MTMR8: variants seen among roughly 807,000 people sequenced by gnomAD.
MTMR8 encodes phosphatidylinositol-3,5-bisphosphate 3-phosphatase MTMR8.
MTMR8 carries 65 observed loss-of-function variants against 39.3 expected under a neutral mutation model. That is an observed-to-expected ratio of 1.65 (90% CI 1.35 to 2.03). MTMR8 has a LOEUF of 2.03. Among genes scored for constraint, MTMR8 ranks in the 30% most tolerant of loss-of-function variants. The pLI is 0.00. For missense variants in MTMR8, 777 were observed against 538.9 expected (o/e 1.44, Z -4.37); for synonymous variants, 245 against 185.2 (o/e 1.32, Z -2.62).
At chrX:64,338,996 T>C (rs1923147920) in intron 8 of MTMR8, among the ~76,000 whole-genome samples, 1 of 111,159 alleles carries the variant, frequency 9.0e-6, no homozygotes, top group Admixed American at 9.5e-5. Context: ...AGAAGATTTA[T>C]GTTTTGGCCA....
chrX:64,342,879 T>C (rs1476631094), intron 8 of MTMR8, among the ~76,000 whole-genome samples: 1 of 112,269 alleles, frequency 8.9e-6, no homozygotes, highest in Non-Finnish European at 1.9e-5. Flanking sequence ...AGAGTACTCA[T>C]GTAGAAATAC....
intron 10 of MTMR8, among the ~76,000 whole-genome samples, chrX:64,335,759 T>C (rs1368953894): frequency 8.9e-6 from 1 of 112,171 alleles, no homozygotes; most frequent in Non-Finnish European, 1.9e-5. Flanking sequence ...TGCTGTGTAC[T>C]CCTGGAAGCC....
intron 1 of MTMR8, among the ~76,000 whole-genome samples, chrX:64,369,385 C>T (rs188506443): frequency 2.7e-5 from 3 of 111,670 alleles, no homozygotes; most frequent in Non-Finnish European, 3.8e-5. Flanking sequence ...CAATGATAGA[C>T]GGGATTAAGA....
intron 12 of MTMR8, among the ~76,000 whole-genome samples, chrX:64,325,973 C>T (rs1032177558): frequency 9.0e-6 from 1 of 111,678 alleles, no homozygotes; most frequent in Non-Finnish European, 1.9e-5. Flanking sequence ...AACTTAACTA[C>T]CAGTAGCCCA....
chrX:64,284,180 C>T (rs951524283), intron 12 of MTMR8, among the ~76,000 whole-genome samples: 1 of 112,052 alleles, frequency 8.9e-6, no homozygotes, highest in Non-Finnish European at 1.9e-5. Context: ...GACGTACGCA[C>T]AAGCTTCAGT....
intron 12 of MTMR8, among the ~76,000 whole-genome samples, chrX:64,289,636 CA>C (rs749879321): frequency 0.025 from 664 of 26,363 alleles, 3 homozygotes; most frequent in East Asian, 0.14. Context: ...GACTCCATCG[CA>C]AAAAAAAAAA....
chrX:64,301,161 C>T (rs1224524856), intron 12 of MTMR8, among the ~76,000 whole-genome samples: 2 of 109,905 alleles, frequency 1.8e-5, no homozygotes, highest in African/African-American at 3.3e-5. Context: ...GGATAATATC[C>T]TGCAGAGTGT....
chrX:64,268,737 C>T lies in MTMR8; in HGVS notation c.1915G>A (p.Asp639Asn). The change falls in exon 14 of 14, where the codon GAC (aspartate) becomes AAC (asparagine). Residue 639 changes from aspartate to asparagine, a missense_variant. Physicochemically the swap from Asp to Asn is conservative, Grantham distance 23. Coordinates refer to ENST00000374852, the MANE Select transcript of MTMR8 (RefSeq NM_017677.4). ...CCCGTAGCCTCAAAGGTGCACATGT[C>T]TCCAGAGATGCCCATGGCCTCAGAG... ...GISEAMGISG[D>N]MCTFEATGFS... 1 of 1,211,763 alleles carries T rather than the reference C, an allele frequency of 8.3e-7. No homozygotes were observed. The highest frequency in any genetic ancestry group is 1.1e-6 in the Non-Finnish European group (1 of 895,534).
chrX:64,320,669 C>T (rs1458946637), intron 12 of MTMR8, among the ~76,000 whole-genome samples: 1 of 109,838 alleles, frequency 9.1e-6, no homozygotes, highest in Non-Finnish European at 1.9e-5. Flanking sequence ...GAAGCAGATA[C>T]ATGAGAAAAA....
chrX:64,365,869 C>T (rs1341434087), intron 1 of MTMR8, among the ~76,000 whole-genome samples: 1 of 111,264 alleles, frequency 9.0e-6, no homozygotes, highest in Non-Finnish European at 1.9e-5. Context: ...AGAGCCATCT[C>T]ACATGCAGAG....
At chrX:64,338,695 A>G (rs1166510200) in intron 8 of MTMR8, among the ~76,000 whole-genome samples, 1 of 111,952 alleles carries the variant, frequency 8.9e-6, no homozygotes, top group Non-Finnish European at 1.9e-5. Flanking sequence ...AGGAGAATGG[A>G]TTGAGAAGAC....
intron 12 of MTMR8, among the ~76,000 whole-genome samples, chrX:64,287,930 C>T (rs1230116775): frequency 1.1e-5 from 1 of 92,943 alleles, no homozygotes; most frequent in African/African-American, 4.0e-5. Context: ...TCTAAAACAC[C>T]AAAAGCAATG....
chrX:64,368,797 G>A (rs1412759996), intron 1 of MTMR8, among the ~76,000 whole-genome samples: 1 of 112,082 alleles, frequency 8.9e-6, no homozygotes, highest in African/African-American at 3.2e-5. Flanking sequence ...CAATGCAAAA[G>A]AAACTACCAT....
chrX:64,384,138 A>T (rs1206632220), intron 1 of MTMR8, among the ~76,000 whole-genome samples: 1 of 112,100 alleles, frequency 8.9e-6, no homozygotes, highest in Non-Finnish European at 1.9e-5. Context: ...GCAGTCATTA[A>T]AACTTAAAAC....
At position 64,305,613 on chromosome X, in the gene MTMR8, C is replaced by T. The variant is rs751593895; in HGVS notation, c.1481+23159G>A. ...AGGTGCAGCAGTCTGAACCACCCGGCGGCTGAGAAGAGGAACCAAATGAGG... is the reference window on the plus strand; with the variant it reads ...AGGTGCAGCAGTCTGAACCACCCGGTGGCTGAGAAGAGGAACCAAATGAGG... On this transcript the variant is annotated intron_variant, in intron 12 of 13. Transcript: ENST00000374852. 5.5e-4 allele frequency: 288 copies of T among 521,969 alleles called. 1 individual carries two copies. The highest frequency in any genetic ancestry group is 5.1e-3 in the African/African-American group (222 of 43,544). The allele number at this position is 521,969 out of a possible 1,213,427, so 43.0% of individuals were successfully genotyped here. A position where few individuals can be genotyped will look rare whatever the true frequency, so the allele number is the denominator to read the frequency against.
At chrX:64,288,976 C>G (rs887782884) in intron 12 of MTMR8, among the ~76,000 whole-genome samples, 2 of 109,275 alleles carry the variant, frequency 1.8e-5, no homozygotes, top group African/African-American at 6.7e-5. Context: ...ATGTAACAAA[C>G]CTGCATGTTG....
intron 12 of MTMR8, among the ~76,000 whole-genome samples, chrX:64,272,330 GAC>G (rs1160327813): frequency 9.0e-6 from 1 of 111,338 alleles, no homozygotes; most frequent in Admixed American, 9.6e-5. Context: ...TCAACAAAGA[GAC>G]AGAAAATGTA....
intron 4 of MTMR8, among the ~76,000 whole-genome samples, chrX:64,353,920 T>C (rs1183103244): frequency 9.0e-6 from 1 of 110,740 alleles, no homozygotes; most frequent in African/African-American, 3.3e-5. Context: ...GAGTGAGGCC[T>C]TGTCTCAAAA....
chrX:64,387,856 C>G (rs1226398177), intron 1 of MTMR8, among the ~76,000 whole-genome samples: 1 of 108,901 alleles, frequency 9.2e-6, no homozygotes, highest in Non-Finnish European at 1.9e-5. Flanking sequence ...GAGAAGGAGA[C>G]AGAGAAAGAT....
Sources: allele counts gnomAD v4.1 joint callset (sites outside exome capture counted in the v4.1 genomes callset), GRCh38; gene constraint gnomAD v4.1.1; transcripts MANE v1.5; gene names NCBI Gene and HGNC (gene_info 2026-07-23, HGNC 2026-07-21).